PALM: variants seen among roughly 807,000 people sequenced by gnomAD.
PALM encodes paralemmin-1.
PALM carries 18 observed loss-of-function variants against 30.7 expected under a neutral mutation model. The ratio of observed to expected loss-of-function variants is 0.59; its 90% CI spans 0.41 to 0.87. The LOEUF is 0.87. PALM is among the 40% of genes least tolerant of loss of function. The pLI, the probability that PALM is intolerant of heterozygous loss-of-function variation, is 0.00. For synonymous variants in PALM, 286 were observed against 242.8 expected (o/e 1.18, Z -1.66); for missense variants, 529 against 555.4 (o/e 0.95, Z 0.48).
At chr19:739,132 T>C (rs2033112275) in intron 7 of PALM, among the ~76,000 whole-genome samples, 1 of 152,056 alleles carries the variant, frequency 6.6e-6, no homozygotes, top group African/African-American at 2.4e-5. Context: ...CAGGAATGAT[T>C]TTTACAGAGT....
chr19:748,083 C>T lies in PALM; in HGVS notation c.*1269C>T, dbSNP rs7927. ...GGCAGGGCAGGTACAGGGGCCACCT[C>T]GGATGGGAGCCTGGGTCCCTGCCTC... On this transcript the variant is annotated 3_prime_UTR_variant, in exon 9 of 9. Transcript: ENST00000338448. The T allele has an allele frequency of 0.039, 5,895 of 152,476 alleles. 199 individuals are homozygous for T. Among genetic ancestry groups the T allele is most frequent in the African/African-American group, 0.094 (3,900 of 41,536 alleles). The allele number at this position is 152,476 out of a possible 1,614,324, so 9.4% of individuals were successfully genotyped here. A position where few individuals can be genotyped will look rare whatever the true frequency, so the allele number is the denominator to read the frequency against.
intron 8 of PALM, among the ~76,000 whole-genome samples, chr19:743,119 G>A (rs556050667): frequency 1.3e-5 from 2 of 152,324 alleles, no homozygotes; most frequent in East Asian, 3.9e-4. Context: ...GATTCCCAAA[G>A]CCTTCTGTTC....
Position 740,392 on chromosome 19 carries a change from G to T in PALM, c.543G>T (p.Val181=). The T allele has an allele frequency of 6.4e-7, 1 of 1,560,902 alleles. No homozygotes were observed. ...SVEITVEKDK[V]TGETRVLSST... The stretch of plus-strand genomic sequence containing the variant: ...AGATCACTGTGGAGAAGGACAAGGT[G>T]ACAGGGGAGACCAGGGTGCTGTCCA... Residue 181 remains valine (V), a synonymous_variant, in exon 8 of 9, where the codon GTG becomes GTT. Transcript: ENST00000338448.
In PALM at chr19:727,035, G is replaced by A. The variant is rs2032689585; in HGVS notation, c.85G>A (p.Glu29Lys). The A allele has an allele frequency of 1.3e-6, 2 of 1,507,974 alleles. No homozygotes were observed. The highest frequency in any genetic ancestry group is 1.8e-6 in the Non-Finnish European group (2 of 1,120,320). The allele number at this position is 1,507,974 out of a possible 1,614,324, so 93.4% of individuals were successfully genotyped here. Residue 29 changes from glutamate to lysine, a missense_variant, in exon 3 of 9, where the codon GAG (glutamate) becomes AAG (lysine). By Grantham distance (56) the Glu-to-Lys change is moderately conservative. Coordinates refer to ENST00000338448, the MANE Select transcript of PALM (RefSeq NM_002579.3). ...AEKRKRQAEI[E>K]NKRRQLEDER... ...GAAGCGGAAGCGGCAGGCGGAGATC[G>A]AGAACAAGCGCCGGCAGCTGGAGGA...
chr19:739,853 G>T (rs987342371), intron 7 of PALM, among the ~76,000 whole-genome samples: 3 of 152,212 alleles, frequency 2.0e-5, no homozygotes, highest in Non-Finnish European at 4.4e-5. Flanking sequence ...GCGGGCGCCT[G>T]TAGTCCCAGC....
chr19:714,367 T>C (rs529098140), intron 1 of PALM, among the ~76,000 whole-genome samples: 2 of 144,850 alleles, frequency 1.4e-5, no homozygotes, highest in Admixed American at 1.4e-4. Context: ...TCTTTTTTTT[T>C]TTTTTTTTTC....
intron 5 of PALM, 44 bp from the exon 6 acceptor site, chr19:734,129 C>G (rs567698019): frequency 1.2e-6 from 2 of 1,609,128 alleles, no homozygotes; most frequent in South Asian, 1.1e-5. Context: ...TTCCTCTTCC[C>G]GGGGATGCTG....
chr19:737,630 G>A (rs1015545332), intron 7 of PALM, among the ~76,000 whole-genome samples: 10 of 152,124 alleles, frequency 6.6e-5, no homozygotes, highest in Non-Finnish European at 1.5e-4. Context: ...AGCAAGGCAC[G>A]CAGCTATCTG....
At chr19:713,729 C>T (rs1289480004) in intron 1 of PALM, among the ~76,000 whole-genome samples, 2 of 151,950 alleles carry the variant, frequency 1.3e-5, no homozygotes, top group Non-Finnish European at 2.9e-5. Context: ...CAGGCATGCG[C>T]CACTGCGCCT....
At chr19:714,526 T>C (rs1434350041) in intron 1 of PALM, among the ~76,000 whole-genome samples, 1 of 150,192 alleles carries the variant, frequency 6.7e-6, no homozygotes, top group Non-Finnish European at 1.5e-5. Flanking sequence ...GCCCGGCTAA[T>C]TTTTTGTATT....
intron 1 of PALM, among the ~76,000 whole-genome samples, chr19:716,442 G>C (rs1288861618): frequency 6.6e-6 from 1 of 151,866 alleles, no homozygotes; most frequent in East Asian, 1.9e-4. Flanking sequence ...TTTAGATTAG[G>C]ACCAGAGTGA....
intron 8 of PALM, among the ~76,000 whole-genome samples, chr19:741,483 G>C (rs1456959045): frequency 7.3e-6 from 1 of 137,436 alleles, no homozygotes; most frequent in Non-Finnish European, 1.6e-5. Context: ...CGGGCTGCAG[G>C]GGTGAGGGGA....
chr19:726,325 G>A, intron 2 of PALM, 136 bp downstream of exon 2: 1 of 686,742 alleles, frequency 1.5e-6, no homozygotes, highest in Non-Finnish European at 2.5e-6. Context: ...GGGAAACTTG[G>A]ATCCTGCTGA....
At chr19:710,215 G>A (rs770064887) in intron 1 of PALM, among the ~76,000 whole-genome samples, 3 of 152,198 alleles carry the variant, frequency 2.0e-5, no homozygotes, top group Non-Finnish European at 4.4e-5. Flanking sequence ...AACTTTCCCC[G>A]GGGATTCACC....
intron 5 of PALM, among the ~76,000 whole-genome samples, chr19:732,955 C>CA (rs2144897984): frequency 6.6e-6 from 1 of 151,018 alleles, no homozygotes; most frequent in South Asian, 2.1e-4. Flanking sequence ...TTTTTTGAGA[C>CA]AGAGTTTCAC....
At position 719,485 on chromosome 19, in the gene PALM, G is replaced by A. The variant is rs1400631268; in HGVS notation, c.6-6653G>A. ...GCGCCGGGGTGGGCGTCGGGCGGGG[G>A]GCGTGGCGCTCCAGGGGCTCTGCGC... On this transcript the variant is annotated intron_variant, in intron 1 of 8. Transcript: ENST00000338448. 8.1e-6 allele frequency: 8 copies of A among 985,238 alleles called. No homozygotes were observed. The African/African-American group carries it at 1.0e-4, about 13-fold the overall frequency. 61.0% of individuals were successfully genotyped at this position (985,238 alleles called of 1,614,324 possible).
intron 8 of PALM, among the ~76,000 whole-genome samples, chr19:745,543 A>C (rs1284806387): frequency 6.6e-6 from 1 of 151,442 alleles, no homozygotes; most frequent in African/African-American, 2.4e-5. Flanking sequence ...AAAATACAAA[A>C]AATTAGCCAA....
chr19:727,392 A>AC (rs1055428089), intron 3 of PALM, among the ~76,000 whole-genome samples, 172 bp from the exon 4 acceptor site: 49 of 148,332 alleles, frequency 3.3e-4, no homozygotes, highest in Middle Eastern at 3.5e-3. Context: ...CCAGACCCTG[A>AC]CCCCCAACCT....
At position 746,758 on chromosome 19, in the gene PALM, G is replaced by A. The variant is rs944193184; in HGVS notation, c.1108G>A (p.Asp370Asn). ...NQAGPEATTS[D>N]PQDLDMKKHR... ...GGCGGGGCCCGAGGCCACCACCAGC[G>A]ACCCCCAGGACCTCGACATGAAGAA... The change falls in exon 9 of 9, where the codon GAC (aspartate) becomes AAC (asparagine). Residue 370 changes from aspartate (D) to asparagine (N), a missense_variant. Transcript: ENST00000338448. The surrounding 1 kb of genome is among the most constrained non-coding windows in gnomAD (Gnocchi z 7.1). 8 of 1,592,762 alleles carry A rather than the reference G, an allele frequency of 5.0e-6. No homozygotes were observed. Among genetic ancestry groups the A allele is most frequent in the East Asian group, 2.3e-5 (1 of 44,164 alleles).
Sources: allele counts gnomAD v4.1 joint callset (sites outside exome capture counted in the v4.1 genomes callset), GRCh38; gene constraint gnomAD v4.1.1; non-coding constraint Gnocchi (gnomAD v3.1); transcripts MANE v1.5; gene names NCBI Gene and HGNC (gene_info 2026-07-23, HGNC 2026-07-21).